The following TTC1 variants were observed in gnomAD, a reference collection of about 807,000 sequenced individuals.
TTC1 encodes the protein tetratricopeptide repeat protein 1.
A neutral mutation model predicts 37.6 loss-of-function variants in TTC1; 31 were observed. That is an observed-to-expected ratio of 0.82 (90% CI 0.62 to 1.11). The LOEUF is 1.11. Ranked by LOEUF, TTC1 falls within the 50% of genes most tolerant of loss-of-function variation. The pLI is 0.00. For synonymous variants in TTC1, 127 were observed against 122.4 expected, an observed-to-expected ratio of 1.04 and a Z score of -0.25; for missense variants, 351 against 339.0, an observed-to-expected ratio of 1.04 and a Z score of -0.28.
chr5:160,038,522 G>A (rs1757033404), intron 4 of TTC1, among the ~76,000 whole-genome samples: 1 of 152,212 alleles, frequency 6.6e-6, no homozygotes, highest in Non-Finnish European at 1.5e-5. Context: ...TGGTTCTTGA[G>A]TTAGGAAAAT....
rs1420360247 is a variant in TTC1, at chr5:160,057,579, G to A, written c.745+6396G>A. Among the ~76,000 whole-genome samples the A allele has an allele frequency of 1.3e-5, 2 of 152,166 alleles. No individual in the cohort carries two copies. Among genetic ancestry groups the A allele is most frequent in the East Asian group, 3.8e-4 (2 of 5,202 alleles). On this transcript the variant is annotated intron_variant, in intron 7 of 7. Transcript: ENST00000231238. This position sits in a 1 kb window ranked among gnomAD's most constrained non-coding sequence, Gnocchi z 4.4. Reference sequence around the variant, plus strand: ...GCTAAACATTGGGGTGTCTGTGGCAGTATCTTTAAATAAGATAGCAAGGAA... The same window carrying A: ...GCTAAACATTGGGGTGTCTGTGGCAATATCTTTAAATAAGATAGCAAGGAA...
intron 2 of TTC1, among the ~76,000 whole-genome samples, chr5:160,026,868 C>T (rs909284616): frequency 1.3e-5 from 2 of 151,890 alleles, no homozygotes; most frequent in African/African-American, 4.8e-5. Flanking sequence ...CTGTTTTTTA[C>T]TGCCTCTTTT....
chr5:160,041,947 T>G (rs568318323), intron 4 of TTC1, among the ~76,000 whole-genome samples: 1 of 152,274 alleles, frequency 6.6e-6, no homozygotes, highest in East Asian at 1.9e-4. Flanking sequence ...TTTTATTTTC[T>G]GAGATGGAGT....
At chr5:160,010,257 CAAAAAAAAAAA>C (rs397882520) in intron 1 of TTC1, among the ~76,000 whole-genome samples, 2 of 50,342 alleles carry the variant, frequency 4.0e-5, no homozygotes, top group Admixed American at 4.3e-4. Flanking sequence ...GATTAAGTCT[CAAAAAAAAAAA>C]AAAAAAAAAA....
intron 5 of TTC1, among the ~76,000 whole-genome samples, chr5:160,047,900 A>G (rs879389289): frequency 6.6e-6 from 1 of 152,098 alleles, no homozygotes; most frequent in African/African-American, 2.4e-5. Context: ...TTTTCATTAT[A>G]GTACTATGGC....
At chr5:160,043,346 A>G (rs1757135327) in intron 5 of TTC1, among the ~76,000 whole-genome samples, 177 bp downstream of exon 5, 1 of 152,252 alleles carries the variant, frequency 6.6e-6, no homozygotes, top group Admixed American at 6.5e-5. Context: ...TTGAATGGAT[A>G]GTTCAATCAG....
chr5:160,023,261 A>G (rs1336096802), intron 2 of TTC1, among the ~76,000 whole-genome samples: 2 of 151,674 alleles, frequency 1.3e-5, no homozygotes, highest in African/African-American at 2.4e-5. Flanking sequence ...GTCTCAAAAA[A>G]AAAAAAAAAA....
intron 2 of TTC1, chr5:160,023,815 C>T (rs1003821593): frequency 1.2e-6 from 2 of 1,613,544 alleles, no homozygotes; most frequent in African/African-American, 2.7e-5. Flanking sequence ...CTGTATCATT[C>T]TCAGAGTCTG....
chr5:160,028,697 A>G (rs542413100), intron 2 of TTC1, among the ~76,000 whole-genome samples: 11 of 151,768 alleles, frequency 7.2e-5, no homozygotes, highest in Admixed American at 2.0e-4. Context: ...AATGGTCTAA[A>G]CTCCTGACTC....
At chr5:160,040,155 A>G (rs1448032219) in intron 4 of TTC1, among the ~76,000 whole-genome samples, 1 of 152,232 alleles carries the variant, frequency 6.6e-6, no homozygotes, top group East Asian at 1.9e-4. Context: ...GGCAGTTGGA[A>G]CACAATGGTA....
intron 2 of TTC1, among the ~76,000 whole-genome samples, chr5:160,033,447 C>T (rs951638811): frequency 2.0e-5 from 3 of 152,152 alleles, no homozygotes; most frequent in Non-Finnish European, 2.9e-5. Flanking sequence ...GGGAAATACC[C>T]GGTCTCATCA....
chr5:160,065,039 G>A lies in TTC1; in HGVS notation c.853G>A (p.Val285Ile), dbSNP rs142279953. The A allele has an allele frequency of 1.3e-4, 207 of 1,611,708 alleles. 1 individual carries two copies. The African/African-American group carries it at 1.7e-3, about 13-fold the overall frequency. The change falls in exon 8 of 8, where the codon GTT becomes ATT. Residue 285 changes from valine to isoleucine, a missense_variant. By Grantham distance (29) the Val-to-Ile change is conservative. Coordinates refer to ENST00000231238, the MANE Select transcript of TTC1 (RefSeq NM_003314.3). ...SSTGSYSINF[V>I]QNPNNNR ...TACCGGCTCGTACTCCATCAATTTCGTTCAAAATCCAAATAATAACAGATA... is the reference window on the plus strand; with the variant it reads ...TACCGGCTCGTACTCCATCAATTTCATTCAAAATCCAAATAATAACAGATA...
chr5:160,050,627 CTTT>C (rs546426067), intron 6 of TTC1, among the ~76,000 whole-genome samples: 17 of 109,296 alleles, frequency 1.6e-4, no homozygotes, highest in Admixed American at 1.9e-4. Context: ...CCAAACAAAA[CTTT>C]TTTTTTTTTT....
At chr5:160,043,640 A>G (rs1757142039) in intron 5 of TTC1, among the ~76,000 whole-genome samples, 1 of 152,196 alleles carries the variant, frequency 6.6e-6, no homozygotes. Flanking sequence ...AACTCATGGA[A>G]TAGAATTTAC....
chr5:160,045,976 C>T (rs896312559), intron 5 of TTC1, among the ~76,000 whole-genome samples: 2 of 152,108 alleles, frequency 1.3e-5, no homozygotes, highest in Non-Finnish European at 1.5e-5. Flanking sequence ...CTCCTGACCT[C>T]GTGATCTGCC....
At chr5:160,024,051 A>G (rs531140426) in intron 2 of TTC1, 7 of 1,209,994 alleles carry the variant, frequency 5.8e-6, no homozygotes, top group East Asian at 2.3e-5. Flanking sequence ...TTCAATCAAT[A>G]TACTCTGGTT....
chr5:160,010,458 A>G (rs944224961), intron 1 of TTC1, 42 bp from the exon 2 acceptor site: 1 of 1,350,716 alleles, frequency 7.4e-7, no homozygotes, highest in African/African-American at 1.5e-5. Context: ...TTTTAAAAAT[A>G]CAAGCACCAT....
intron 7 of TTC1, 141 bp downstream of exon 7, chr5:160,051,324 C>T: frequency 1.6e-6 from 1 of 606,548 alleles, no homozygotes; most frequent in Non-Finnish European, 2.7e-6. Flanking sequence ...TATTTTGACC[C>T]CAGAAGGGGC....
intron 2 of TTC1, among the ~76,000 whole-genome samples, chr5:160,013,956 T>C (rs1193975405): frequency 2.0e-5 from 3 of 152,174 alleles, no homozygotes; most frequent in Non-Finnish European, 2.9e-5. Flanking sequence ...AGGATAGGAA[T>C]GTTCTACATC....
Sources: allele counts gnomAD v4.1 joint callset (sites outside exome capture counted in the v4.1 genomes callset), GRCh38; gene constraint gnomAD v4.1.1; non-coding constraint Gnocchi (gnomAD v3.1); transcripts MANE v1.5; gene names NCBI Gene and HGNC (gene_info 2026-07-23, HGNC 2026-07-21).